Variants in RAB7A observed in about 807,000 individuals in gnomAD.
RAB7A encodes the protein ras-related protein Rab-7a.
Under a neutral mutation model 24.5 loss-of-function variants are expected in RAB7A, and 2 were observed. That is an observed-to-expected ratio of 0.08 (90% CI 0.03 to 0.26). The LOEUF (loss-of-function observed/expected upper bound fraction) is 0.26, where lower values mean the gene tolerates loss of function less well. RAB7A is among the 10% of genes least tolerant of loss of function. The pLI is 1.00. For missense variants in RAB7A, 118 were observed against 255.7 expected, an observed-to-expected ratio of 0.46 and a Z score of 3.67; for synonymous variants, 100 against 95.9, an observed-to-expected ratio of 1.04 and a Z score of -0.25.
At chr3:128,779,806 C>G (rs565421376) in intron 1 of RAB7A, among the ~76,000 whole-genome samples, 1 of 152,128 alleles carries the variant, frequency 6.6e-6, no homozygotes, top group Non-Finnish European at 1.5e-5. Flanking sequence ...AGGCTGGTCT[C>G]GAAACTCCTG....
chr3:128,807,982 G>T (rs1182581923), intron 5 of RAB7A, among the ~76,000 whole-genome samples: 1 of 152,128 alleles, frequency 6.6e-6, no homozygotes. Flanking sequence ...ACAGATTGCT[G>T]CTTCTATTTA....
chr3:128,789,789 G>A (rs562242083), intron 1 of RAB7A, among the ~76,000 whole-genome samples: 1 of 148,790 alleles, frequency 6.7e-6, no homozygotes, highest in Non-Finnish European at 1.5e-5. Flanking sequence ...TTTTGTTCCT[G>A]GCTTTTTTTT....
chr3:128,789,628 C>T (rs1024213881), intron 1 of RAB7A, among the ~76,000 whole-genome samples: 1 of 151,850 alleles, frequency 6.6e-6, no homozygotes, highest in Non-Finnish European at 1.5e-5. Flanking sequence ...TCACCCATGC[C>T]TGGCCATAGG....
intron 3 of RAB7A, among the ~76,000 whole-genome samples, chr3:128,800,477 G>A (rs1286319750): frequency 6.6e-6 from 1 of 152,192 alleles, no homozygotes; most frequent in Non-Finnish European, 1.5e-5. Context: ...GGACCTTGGG[G>A]CGCTGCACTC....
chr3:128,807,013 T>G (rs868072080), intron 4 of RAB7A, among the ~76,000 whole-genome samples: 2 of 152,260 alleles, frequency 1.3e-5, no homozygotes, highest in African/African-American at 4.8e-5. Context: ...GACTCTTTGA[T>G]TAATTACAAC....
intron 1 of RAB7A, among the ~76,000 whole-genome samples, chr3:128,779,257 T>TA (rs1933161445): frequency 6.6e-6 from 1 of 151,894 alleles, no homozygotes; most frequent in Admixed American, 6.6e-5. Context: ...CTACTAAAAA[T>TA]ACAAAAATTT....
At chr3:128,738,403 GT>G (rs931463198) in intron 1 of RAB7A, among the ~76,000 whole-genome samples, 1 of 151,890 alleles carries the variant, frequency 6.6e-6, no homozygotes, top group Non-Finnish European at 1.5e-5. Context: ...TCCTGGCTTT[GT>G]TTTTTTTGAT....
At position 128,813,644 on chromosome 3, in the gene RAB7A, C is replaced by G; in HGVS notation, c.*222C>G. 1.7e-6 allele frequency: 1 copy of G among 580,162 alleles called. No homozygotes were observed. The highest frequency in any genetic ancestry group is 3.2e-6 in the Non-Finnish European group (1 of 314,388). 35.9% of individuals were successfully genotyped at this position (580,162 alleles called of 1,614,324 possible). ...AGATCTGACGTAATCAAACTCCAGC[C>G]CTTGCCCGTGATGGCTCCTTGGGGT... is the stretch of plus-strand genomic sequence containing the variant. On this transcript the variant is annotated 3_prime_UTR_variant, in exon 6 of 6. Coordinates refer to ENST00000265062, the MANE Select transcript of RAB7A (RefSeq NM_004637.6).
chr3:128,772,988 T>C (rs1367167929), intron 1 of RAB7A, among the ~76,000 whole-genome samples: 1 of 152,220 alleles, frequency 6.6e-6, no homozygotes, highest in East Asian at 1.9e-4. Flanking sequence ...AGTGCCGAGA[T>C]TGCAGCCTCT....
At chr3:128,809,888 CTG>C (rs1933883723) in intron 5 of RAB7A, among the ~76,000 whole-genome samples, 1 of 142,202 alleles carries the variant, frequency 7.0e-6, no homozygotes, top group South Asian at 2.3e-4. Context: ...CTTATCTGGA[CTG>C]TGTTGATTTG....
At chr3:128,778,793 T>G (rs1004124921) in intron 1 of RAB7A, among the ~76,000 whole-genome samples, 2 of 152,290 alleles carry the variant, frequency 1.3e-5, no homozygotes, top group East Asian at 3.9e-4. Context: ...CTAGAAGCCA[T>G]GTTGCTTGCA....
At chr3:128,793,820 C>T (rs938717061) in intron 1 of RAB7A, among the ~76,000 whole-genome samples, 1 of 152,172 alleles carries the variant, frequency 6.6e-6, no homozygotes, top group Admixed American at 6.5e-5. Context: ...GCTGAGATAC[C>T]GTGTCTTCAC....
chr3:128,795,548 C>G, intron 2 of RAB7A, 128 bp downstream of exon 2: 4 of 844,434 alleles, frequency 4.7e-6, no homozygotes, highest in South Asian at 2.7e-5. Flanking sequence ...ATGTTTCCCT[C>G]CACGGCAGAA....
rs1306254851 is a variant in RAB7A, at chr3:128,814,512, ACCTTTGTT to A, written c.*1092_*1099del. On this transcript the variant is annotated 3_prime_UTR_variant, in exon 6 of 6. Transcript: ENST00000265062. ...CTAACAGATCTGTCCTAGTGATTTTACCTTTGTTCTAGAAGGCGCTCCTTTCAGGGTTG... is the reference window on the plus strand; with the variant it reads ...CTAACAGATCTGTCCTAGTGATTTTACTAGAAGGCGCTCCTTTCAGGGTTG... 3.3e-5 allele frequency: 5 copies of A among 152,556 alleles called. No homozygotes were observed. Among genetic ancestry groups the A allele is most frequent in the Non-Finnish European group, 5.9e-5 (4 of 68,018 alleles). The allele number at this position is 152,556 out of a possible 1,614,324, so 9.5% of individuals were successfully genotyped here.
At chr3:128,810,883 A>G (rs982185573) in intron 5 of RAB7A, among the ~76,000 whole-genome samples, 1 of 152,074 alleles carries the variant, frequency 6.6e-6, no homozygotes, top group African/African-American at 2.4e-5. Flanking sequence ...GTGAAACCCC[A>G]TCTCTACTAA....
At chr3:128,746,246 G>T (rs973450328) in intron 1 of RAB7A, among the ~76,000 whole-genome samples, 2 of 152,028 alleles carry the variant, frequency 1.3e-5, no homozygotes, top group Non-Finnish European at 2.9e-5. Context: ...ACTTCTGTGG[G>T]TTCAACTGTT....
At chr3:128,758,295 C>CA (rs1428358484) in intron 1 of RAB7A, among the ~76,000 whole-genome samples, 1 of 131,736 alleles carries the variant, frequency 7.6e-6, no homozygotes, top group African/African-American at 3.0e-5. Context: ...TTTTTTGAGA[C>CA]AGAGTCTGGC....
At chr3:128,806,325 G>T in intron 3 of RAB7A, 47 bp from the exon 4 acceptor site, 1 of 1,544,188 alleles carries the variant, frequency 6.5e-7, no homozygotes, top group South Asian at 1.1e-5. Flanking sequence ...TGCTCCTGGT[G>T]CTCTGCCTAG....
chr3:128,747,714 G>A (rs969300932), intron 1 of RAB7A, among the ~76,000 whole-genome samples: 2 of 151,676 alleles, frequency 1.3e-5, no homozygotes, highest in African/African-American at 4.9e-5. Context: ...CTAGCTGTGT[G>A]GTGGGTCTTT....
Sources: allele counts gnomAD v4.1 joint callset (sites outside exome capture counted in the v4.1 genomes callset), GRCh38; gene constraint gnomAD v4.1.1; transcripts MANE v1.5; gene names NCBI Gene and HGNC (gene_info 2026-07-23, HGNC 2026-07-21).